EVL: variants seen among roughly 807,000 people sequenced by gnomAD.
EVL encodes the protein Enah/Vasp-like.
A neutral mutation model predicts 59.6 loss-of-function variants in EVL; 21 were observed. The observed-to-expected ratio is 0.35, with a 90% CI of 0.25 to 0.51. The LOEUF is 0.51. Among genes scored for constraint, EVL ranks in the 20% least tolerant of loss-of-function variants. The pLI is 0.97. For synonymous variants in EVL, 198 were observed against 203.5 expected (o/e 0.97, Z 0.23); for missense variants, 462 against 546.6 (o/e 0.85, Z 1.54).
intron 1 of EVL, among the ~76,000 whole-genome samples, chr14:100,073,180 T>C (rs2062085599): frequency 6.6e-6 from 1 of 151,994 alleles, no homozygotes; most frequent in Non-Finnish European, 1.5e-5. Flanking sequence ...GCTGACACTC[T>C]TCCCTCTGCT....
chr14:100,028,841 C>T (rs1375337000), intron 1 of EVL, among the ~76,000 whole-genome samples: 1 of 152,106 alleles, frequency 6.6e-6, no homozygotes, highest in East Asian at 1.9e-4. Flanking sequence ...ATTAAATAAG[C>T]GTGCAGTTGT....
At chr14:100,020,479 ACG>A (rs1328431037) in intron 1 of EVL, among the ~76,000 whole-genome samples, 2 of 151,334 alleles carry the variant, frequency 1.3e-5, no homozygotes, top group Non-Finnish European at 2.9e-5. Flanking sequence ...GTGTGTGTGC[ACG>A]CACACACACA....
intron 1 of EVL, among the ~76,000 whole-genome samples, chr14:100,050,781 C>A (rs1211034566): frequency 3.6e-5 from 5 of 138,630 alleles, no homozygotes; most frequent in Non-Finnish European, 6.1e-5. Context: ...CTCACTCTGT[C>A]CCCCAGGCTG....
intron 1 of EVL, 43 bp from the exon 2 acceptor site, chr14:100,084,643 TC>T: frequency 6.3e-7 from 1 of 1,599,572 alleles, no homozygotes; most frequent in East Asian, 2.2e-5. Flanking sequence ...TCAACTTCCA[TC>T]CACTGTAGCT....
chr14:100,141,296 G>C, intron 12 of EVL, 50 bp downstream of exon 12: 1 of 1,599,524 alleles, frequency 6.3e-7, no homozygotes, highest in Non-Finnish European at 8.5e-7. Flanking sequence ...CAGCCAGCAG[G>C]CGGGGGACCG....
intron 1 of EVL, chr14:100,074,422 T>C (rs2062117833): frequency 6.6e-6 from 1 of 152,236 alleles, no homozygotes; most frequent in African/African-American, 2.4e-5. Context: ...TAAACTGCTC[T>C]CCTGTTTATT....
rs550775559 is a variant in EVL, at chr14:100,029,646, T to TGC, written c.6-55041_6-55040insGC. Among the ~76,000 whole-genome samples, 8 of 151,958 alleles carry TGC rather than the reference T, an allele frequency of 5.3e-5. No individual in the cohort carries two copies. In the South Asian group the frequency reaches 1.7e-3, roughly 32 times the overall value. On this transcript the variant is annotated intron_variant, in intron 1 of 13. Transcript: ENST00000402714. ...TTTGCTGTATAAAAGTTAAAAGAGA[T>TGC]TTTCAGGAGGAAGCATCTGTGGGAG...
intron 3 of EVL, chr14:100,102,439 A>G (rs1353665135): frequency 4.4e-6 from 2 of 450,726 alleles, no homozygotes; most frequent in Non-Finnish European, 4.5e-6. Context: ...GGTGACATCT[A>G]CATTGTCTAC....
At chr14:99,971,680 C>T (rs977372767) in exon 1 of EVL, 1 of 150,030 alleles carries the variant, frequency 6.7e-6, no homozygotes, top group African/African-American at 2.4e-5. Flanking sequence ...GGCCGCCGCC[C>T]CGAGTCTCAG....
intron 1 of EVL, among the ~76,000 whole-genome samples, chr14:100,059,963 A>G (rs1306477410): frequency 2.0e-5 from 3 of 152,326 alleles, no homozygotes; most frequent in African/African-American, 7.2e-5. Context: ...GTCAGAAAAT[A>G]TGACATATAC....
chr14:100,099,813 TCCGCCCACCTTGG>T (rs1377305945), intron 3 of EVL, among the ~76,000 whole-genome samples: 1 of 151,846 alleles, frequency 6.6e-6, no homozygotes, highest in Non-Finnish European at 1.5e-5. Context: ...GACCTTGTGA[TCCGCCCACCTTGG>T]CCTTCCAAAG....
intron 1 of EVL, among the ~76,000 whole-genome samples, chr14:100,040,763 A>G (rs918660906): frequency 1.3e-5 from 2 of 152,220 alleles, no homozygotes; most frequent in Non-Finnish European, 1.5e-5. Context: ...GAGAGCTTTC[A>G]TAAATCACTT....
intron 1 of EVL, among the ~76,000 whole-genome samples, chr14:99,995,237 T>C (rs1157828000): frequency 6.6e-6 from 1 of 152,236 alleles, no homozygotes; most frequent in Non-Finnish European, 1.5e-5. Flanking sequence ...GTCTTTTTCT[T>C]TGTATTCTGA....
intron 3 of EVL, among the ~76,000 whole-genome samples, chr14:100,100,662 T>C (rs1886151411): frequency 6.6e-6 from 1 of 151,842 alleles, no homozygotes; most frequent in Non-Finnish European, 1.5e-5. Flanking sequence ...GTCTGTAGTC[T>C]CAACTACTTG....
intron 1 of EVL, among the ~76,000 whole-genome samples, chr14:99,990,830 T>C (rs1037204651): frequency 1.3e-5 from 2 of 152,260 alleles, no homozygotes; most frequent in South Asian, 2.1e-4. Flanking sequence ...TATGCAGATA[T>C]CTCTTCAAGA....
intron 1 of EVL, among the ~76,000 whole-genome samples, chr14:100,033,491 T>C (rs2061344272): frequency 6.6e-6 from 1 of 152,236 alleles, no homozygotes; most frequent in Admixed American, 6.5e-5. Flanking sequence ...TTTGGATCTG[T>C]ATCTTCTAAC....
intron 1 of EVL, among the ~76,000 whole-genome samples, chr14:99,986,012 C>G (rs1407380861): frequency 1.3e-5 from 2 of 152,126 alleles, no homozygotes; most frequent in Non-Finnish European, 2.9e-5. Flanking sequence ...AATGTATTGG[C>G]TGGGCACGAT....
chr14:100,032,760 T>C (rs935521605), intron 1 of EVL, among the ~76,000 whole-genome samples: 1 of 152,162 alleles, frequency 6.6e-6, no homozygotes, highest in African/African-American at 2.4e-5. Context: ...AAAATTTCTC[T>C]TTTTTCTGAA....
intron 2 of EVL, among the ~76,000 whole-genome samples, chr14:100,092,899 C>T (rs1247074027): frequency 6.6e-6 from 1 of 152,168 alleles, no homozygotes; most frequent in Non-Finnish European, 1.5e-5. Flanking sequence ...ACACATTTTG[C>T]CAATGGTGTT....
Sources: gnomAD v4.1 joint callset for allele counts (sites outside exome capture counted in the v4.1 genomes callset) on GRCh38, gnomAD v4.1.1 for gene constraint, MANE v1.5 for transcripts, NCBI Gene and HGNC (gene_info 2026-07-23, HGNC 2026-07-21) for gene names.